The following MGAM variants were observed in gnomAD, a reference collection of about 807,000 sequenced individuals.
The protein encoded by MGAM is alpha-1,4-glucosidase.
MGAM carries 253 observed loss-of-function variants against 358.8 expected under a neutral mutation model. The ratio of observed to expected loss-of-function variants is 0.71; its 90% confidence interval spans 0.64 to 0.78. MGAM has a LOEUF of 0.78. Ranked by LOEUF, MGAM falls within the 30% of genes least tolerant of loss-of-function variation. MGAM has a pLI of 0.00. For missense variants in MGAM, 3,080 were observed against 3,432.6 expected, an observed-to-expected ratio of 0.90 and a Z score of 2.57; for synonymous variants, 1,105 against 1,227.1, an observed-to-expected ratio of 0.90 and a Z score of 2.08.
intron 2 of MGAM, among the ~76,000 whole-genome samples, chr7:141,989,993 C>T (rs1434304317): frequency 2.6e-5 from 4 of 152,138 alleles, no homozygotes; most frequent in African/African-American, 9.7e-5. Flanking sequence ...GAAGGATGCA[C>T]ACTGGGCCTC....
chr7:142,021,755 A>G lies in MGAM; in HGVS notation c.710+18A>G, dbSNP rs782138944. 7 of 1,613,152 alleles carry G rather than the reference A, an allele frequency of 4.3e-6. No homozygotes were observed. In the Admixed American group the frequency reaches 5.0e-5, roughly 12 times the overall value. Reference sequence around the variant, plus strand: ...CGTGTTTTGTAAGTTTTGGAAACCTATCTAAGGATCAGAGTAGGAAGGTTA... The same window carrying G: ...CGTGTTTTGTAAGTTTTGGAAACCTGTCTAAGGATCAGAGTAGGAAGGTTA... On this transcript the variant is annotated intron_variant, in intron 6 of 70. Transcript: ENST00000475668.
intron 27 of MGAM, 50 bp downstream of exon 27, chr7:142,054,958 C>T (rs1229717719): frequency 6.3e-7 from 1 of 1,582,264 alleles, no homozygotes; most frequent in Non-Finnish European, 8.6e-7. Flanking sequence ...TGCGCCTTCG[C>T]TGCCAGGTCC....
intron 14 of MGAM, among the ~76,000 whole-genome samples, chr7:142,033,411 A>C (rs1019161263): frequency 6.6e-6 from 1 of 152,168 alleles, no homozygotes; most frequent in Admixed American, 6.5e-5. Context: ...GGACAACACT[A>C]TCTCTCAGGG....
At chr7:142,105,488 A>G (rs982327176) in intron 70 of MGAM, among the ~76,000 whole-genome samples, 7 of 152,254 alleles carry the variant, frequency 4.6e-5, no homozygotes, top group African/African-American at 1.4e-4. Flanking sequence ...GGGTTTCACC[A>G]TGTTGGCCAG....
At chr7:142,064,258 G>A (rs1284638194) in intron 36 of MGAM, 126 bp from the exon 37 acceptor site, 4 of 1,389,836 alleles carry the variant, frequency 2.9e-6, no homozygotes, top group Non-Finnish European at 3.9e-6. Flanking sequence ...ATGTCTCTGG[G>A]GAGATGGAGA....
intron 59 of MGAM, among the ~76,000 whole-genome samples, chr7:142,092,876 G>C (rs10952515): frequency 0.58 from 85,090 of 145,818 alleles, 33,071 homozygotes; most frequent in East Asian, 0.85. Context: ...AGCTAGGCTT[G>C]TTAGTTTTTT....
chr7:142,090,879 T>C (rs531908003), intron 57 of MGAM, among the ~76,000 whole-genome samples: 1 of 146,496 alleles, frequency 6.8e-6, no homozygotes, highest in African/African-American at 2.4e-5. Context: ...AGCTAAGCAT[T>C]GTGCAAAATA....
At position 142,031,087 on chromosome 7, in the gene MGAM, G is replaced by GCACC. The variant is rs564088294; in HGVS notation, c.1470+332_1470+335dup. ...TTCCCTGATACCGCTCTGGCAAAAA[G>GCACC]CACCCGTTACTTTCTCACTGGTAAG... is the stretch of plus-strand genomic sequence containing the variant. On this transcript the variant is annotated intron_variant, in intron 12 of 70. Transcript: ENST00000475668. Among the ~76,000 whole-genome samples, 4 of 152,186 alleles carry GCACC rather than the reference G, an allele frequency of 2.6e-5. No individual in the cohort carries two copies. The South Asian group carries it at 8.3e-4, about 32-fold the overall frequency.
At chr7:142,082,287 C>A in intron 51 of MGAM, 77 bp downstream of exon 51, 1 of 1,469,538 alleles carries the variant, frequency 6.8e-7, no homozygotes, top group Non-Finnish European at 9.3e-7. Context: ...TTCATCTTCC[C>A]AAACTCCACT....
At chr7:142,077,021 T>C (rs1424516897) in intron 47 of MGAM, among the ~76,000 whole-genome samples, 195 bp downstream of exon 47, 2 of 145,204 alleles carry the variant, frequency 1.4e-5, no homozygotes, top group African/African-American at 4.9e-5. Context: ...AGTTGGGTAT[T>C]TTTCTTCTTA....
At chr7:142,061,025 G>C (rs1369838598) in intron 34 of MGAM, among the ~76,000 whole-genome samples, 3 of 152,038 alleles carry the variant, frequency 2.0e-5, no homozygotes, top group Non-Finnish European at 4.4e-5. Flanking sequence ...TTTCCCGATT[G>C]ACTAAGCATT....
intron 43 of MGAM, among the ~76,000 whole-genome samples, chr7:142,070,235 A>G (rs184251027): frequency 6.9e-6 from 1 of 145,334 alleles, no homozygotes; most frequent in East Asian, 2.0e-4. Context: ...TTTAATGTTT[A>G]ATTAAAATGA....
chr7:142,030,213 A>G, intron 10 of MGAM, 149 bp from the exon 11 acceptor site: 1 of 846,354 alleles, frequency 1.2e-6, no homozygotes, highest in Non-Finnish European at 1.8e-6. Flanking sequence ...ACATTGGAAA[A>G]GAAGTACTCA....
In MGAM at chr7:142,070,832, A is replaced by C. The variant is rs73740262; in HGVS notation, c.5062-162A>C. ...TATTATAGCAGCCTTGCGAGGTTTT[A>C]TGCAGCACTGTGCGAATGCAGAATG... On this transcript the variant is annotated intron_variant, in intron 43 of 70. Transcript: ENST00000475668. 4.8e-5 allele frequency among the ~76,000 whole-genome samples: 7 copies of C among 146,214 alleles called. 1 individual carries two copies. The highest frequency in any genetic ancestry group is 2.1e-4 in the Admixed American group (3 of 14,590).
intron 21 of MGAM, among the ~76,000 whole-genome samples, chr7:142,044,878 TTACA>T (rs1171125261): frequency 1.5e-5 from 1 of 64,794 alleles, no homozygotes; most frequent in Non-Finnish European, 3.0e-5. Context: ...ATAATGTATA[TTACA>T]TACACGTGTA....
intron 46 of MGAM, 179 bp from the exon 47 acceptor site, chr7:142,076,479 TA>T: frequency 1.2e-6 from 1 of 862,534 alleles, no homozygotes; most frequent in Non-Finnish European, 1.9e-6. Context: ...TTTATGATTG[TA>T]TCAAATTAGA....
At chr7:142,087,738 C>A (rs555993811) in intron 57 of MGAM, among the ~76,000 whole-genome samples, 3 of 146,408 alleles carry the variant, frequency 2.0e-5, no homozygotes, top group African/African-American at 4.9e-5. Context: ...GTCAGCAATG[C>A]GGTATATGTT....
At position 142,032,853 on chromosome 7, in the gene MGAM, A is replaced by T. The variant is rs376876129; in HGVS notation, c.1613A>T (p.Asp538Val). ...ATGAATGAAGTCTCCAACTTTGTTG[A>T]TGGTTCGGTCTCAGGATGTTCCACA... ...IDMNEVSNFV[D>V]GSVSGCSTNN... The change falls in exon 14 of 71, where the codon GAT (aspartate) becomes GTT (valine). Residue 538 changes from aspartate (D) to valine (V), a missense_variant. Transcript: ENST00000475668. 1.1e-5 allele frequency: 17 copies of T among 1,610,406 alleles called. No individual in the cohort carries two copies. The highest frequency in any genetic ancestry group is 1.6e-4 in the Middle Eastern group (1 of 6,064).
rs1554453440 is a variant in MGAM, at chr7:142,008,822, T to A, written c.327+117T>A. ...TGACTCTCAAGAGAGGTGTTTATGT[T>A]GCAGCCATTAGTGGCTCAGGCAAAT... is the stretch of plus-strand genomic sequence containing the variant. On this transcript the variant is annotated intron_variant, in intron 3 of 70. Coordinates refer to ENST00000475668, the MANE Select transcript of MGAM (RefSeq NM_001365693.1). 5.3e-6 allele frequency: 6 copies of A among 1,136,880 alleles called. No individual in the cohort carries two copies. The African/African-American group carries it at 6.3e-5, about 12-fold the overall frequency. The allele number at this position is 1,136,880 out of a possible 1,614,324, so 70.4% of individuals were successfully genotyped here.
Sources: gnomAD v4.1 joint callset for allele counts (sites outside exome capture counted in the v4.1 genomes callset) on GRCh38, gnomAD v4.1.1 for gene constraint, MANE v1.5 for transcripts, NCBI Gene and HGNC (gene_info 2026-07-23, HGNC 2026-07-21) for gene names.